Variants in DNAJC13 observed in about 807,000 individuals in gnomAD.
DNAJC13 encodes the protein dnaJ homolog subfamily C member 13.
In DNAJC13, 75 loss-of-function variants were observed where a neutral mutation model predicts 290.5. That is an observed-to-expected ratio of 0.26 (90% CI 0.21 to 0.31). The LOEUF (loss-of-function observed/expected upper bound fraction) is 0.31, where lower values mean the gene tolerates loss of function less well. DNAJC13 is among the 10% of genes least tolerant of loss of function. DNAJC13 has a pLI of 1.00. For synonymous variants in DNAJC13, 862 were observed against 892.0 expected (o/e 0.97, Z 0.60); for missense variants, 2,260 against 2,674.5 (o/e 0.85, Z 3.42).
At chr3:132,513,191 G>A in intron 45 of DNAJC13, 92 bp downstream of exon 45, 1 of 1,079,340 alleles carries the variant, frequency 9.3e-7, no homozygotes, top group Non-Finnish European at 1.4e-6. Context: ...AAGTTGAAGT[G>A]TGCTTTTTTG....
chr3:132,459,716 A>G lies in DNAJC13; in HGVS notation c.1450-534A>G, dbSNP rs114119283. 4.4e-3 allele frequency among the ~76,000 whole-genome samples: 675 copies of G among 152,316 alleles called. 6 individuals carry two copies. The highest frequency in any genetic ancestry group is 0.014 in the African/African-American group (601 of 41,568). The stretch of plus-strand genomic sequence containing the variant: ...TCTAAGCATCATAGTAATGTTACAT[A>G]AATACTATTACTCCTACTTTACAGC... On this transcript the variant is annotated intron_variant, in intron 13 of 55. Transcript: ENST00000260818.
At chr3:132,427,089 G>C (rs1207289260) in intron 1 of DNAJC13, among the ~76,000 whole-genome samples, 2 of 148,630 alleles carry the variant, frequency 1.3e-5, no homozygotes, top group Non-Finnish European at 3.0e-5. Context: ...GTGTGTGTGT[G>C]TGTGTGTGTG....
In DNAJC13 at chr3:132,511,141, C is replaced by A; in HGVS notation, c.5190C>A (p.Ala1730=). The A allele has an allele frequency of 1.2e-6, 2 of 1,613,928 alleles. No homozygotes were observed. The highest frequency in any genetic ancestry group is 1.7e-6 in the Non-Finnish European group (2 of 1,179,932). Residue 1730 remains alanine (A), a synonymous_variant, in exon 44 of 56, where the codon GCC becomes GCA. Transcript: ENST00000260818. Reference sequence around the variant, plus strand: ...CCCAATACTTGCACACATTCATGGCCATCACACACGCGGCAAAAGTGGAGT... The same window carrying A: ...CCCAATACTTGCACACATTCATGGCAATCACACACGCGGCAAAAGTGGAGT... The part of the protein sequence containing the change: ...SQAQYLHTFM[A]ITHAAKVESE...
chr3:132,486,229 T>G (rs1934872327), intron 29 of DNAJC13, among the ~76,000 whole-genome samples: 1 of 151,928 alleles, frequency 6.6e-6, no homozygotes, highest in African/African-American at 2.4e-5. Context: ...CTCTAAACTA[T>G]TACCACATCC....
intron 51 of DNAJC13, 31 bp downstream of exon 51, chr3:132,523,744 A>G: frequency 1.9e-6 from 3 of 1,598,296 alleles, no homozygotes; most frequent in South Asian, 1.1e-5. Context: ...AAACATTTCA[A>G]AGACTTGGCT....
At chr3:132,508,470 T>A (rs1935663960) in intron 43 of DNAJC13, among the ~76,000 whole-genome samples, 1 of 152,220 alleles carries the variant, frequency 6.6e-6, no homozygotes, top group Non-Finnish European at 1.5e-5. Context: ...GGTAGAGGCT[T>A]ATGCAGCTGC....
In DNAJC13 at chr3:132,456,959, T is replaced by C. The variant is rs943200504; in HGVS notation, c.1349+127T>C. 10 of 1,086,942 alleles carry C rather than the reference T, an allele frequency of 9.2e-6. No individual in the cohort carries two copies. The African/African-American group carries it at 1.4e-4, about 16-fold the overall frequency. 67.3% of individuals were successfully genotyped at this position (1,086,942 alleles called of 1,614,324 possible). ...CCTTTTATAGGGTGATATGGTACTTTATTCATGAGAAATGAAAAAGGAAGG... is the reference window on the plus strand; with the variant it reads ...CCTTTTATAGGGTGATATGGTACTTCATTCATGAGAAATGAAAAAGGAAGG... On this transcript the variant is annotated intron_variant, in intron 12 of 55. Coordinates refer to ENST00000260818, the MANE Select transcript of DNAJC13 (RefSeq NM_015268.4).
At chr3:132,496,947 AGTAGCAAC>A (rs1935251717) in intron 36 of DNAJC13, among the ~76,000 whole-genome samples, 2 of 152,204 alleles carry the variant, frequency 1.3e-5, no homozygotes, top group Non-Finnish European at 2.9e-5. Flanking sequence ...TTAGCCATTT[AGTAGCAAC>A]GTGTTAAATG....
intron 1 of DNAJC13, among the ~76,000 whole-genome samples, chr3:132,426,652 AT>A (rs575192345): frequency 1.1e-4 from 17 of 152,054 alleles, no homozygotes; most frequent in Non-Finnish European, 1.5e-4. Flanking sequence ...AATTTTACAG[AT>A]TTTTTTCATC....
intron 43 of DNAJC13, among the ~76,000 whole-genome samples, chr3:132,510,191 A>T (rs1236153287): frequency 6.6e-6 from 1 of 152,176 alleles, no homozygotes; most frequent in Admixed American, 6.5e-5. Flanking sequence ...TTTCATCACA[A>T]GGGATATCAG....
In DNAJC13 at chr3:132,477,749, T is replaced by C. The variant is rs748309010; in HGVS notation, c.2446-40T>C. On this transcript the variant is annotated intron_variant, in intron 22 of 55. Coordinates refer to ENST00000260818, the MANE Select transcript of DNAJC13 (RefSeq NM_015268.4). ...AATTATTAGAAATTGCCAAAATCTA[T>C]TGTAAACTAAAATAGTGTAATTTGC... 2.0e-6 allele frequency: 3 copies of C among 1,488,426 alleles called. No homozygotes were observed. The South Asian group carries it at 3.7e-5, about 18-fold the overall frequency. 92.2% of individuals were successfully genotyped at this position (1,488,426 alleles called of 1,614,324 possible). A position where few individuals can be genotyped will look rare whatever the true frequency, so the allele number is the denominator to read the frequency against.
chr3:132,516,947 A>T, intron 48 of DNAJC13, 131 bp downstream of exon 48: 1 of 797,880 alleles, frequency 1.3e-6, no homozygotes, highest in Non-Finnish European at 2.0e-6. Flanking sequence ...AAGTTGGAAA[A>T]TTCACATTCC....
chr3:132,456,956 CTTTA>C lies in DNAJC13; in HGVS notation c.1349+127_1349+130del, dbSNP rs1368372953. On this transcript the variant is annotated intron_variant, in intron 12 of 55. Coordinates refer to ENST00000260818, the MANE Select transcript of DNAJC13 (RefSeq NM_015268.4). Reference sequence around the variant, plus strand: ...ATACCTTTTATAGGGTGATATGGTACTTTATTCATGAGAAATGAAAAAGGAAGGT... The same window carrying C: ...ATACCTTTTATAGGGTGATATGGTACTTCATGAGAAATGAAAAAGGAAGGT... 6 of 1,094,152 alleles carry C rather than the reference CTTTA, an allele frequency of 5.5e-6. 1 individual carries two copies. Among genetic ancestry groups the C allele is most frequent in the Non-Finnish European group, 5.2e-6 (4 of 775,318 alleles). 67.8% of individuals were successfully genotyped at this position (1,094,152 alleles called of 1,614,324 possible).
intron 20 of DNAJC13, among the ~76,000 whole-genome samples, chr3:132,469,345 A>G (rs144128968): frequency 1.8e-4 from 27 of 152,352 alleles, no homozygotes; most frequent in Non-Finnish European, 3.2e-4. Context: ...TATATAGTCA[A>G]TGTTTATGAA....
chr3:132,457,174 T>C, intron 12 of DNAJC13, 95 bp from the exon 13 acceptor site: 1 of 829,772 alleles, frequency 1.2e-6, no homozygotes. Flanking sequence ...ATTGTTCCAG[T>C]AGTGCAATGG....
intron 52 of DNAJC13, 135 bp from the exon 53 acceptor site, chr3:132,526,006 T>C: frequency 7.7e-7 from 1 of 1,292,326 alleles, no homozygotes; most frequent in Middle Eastern, 2.3e-4. Flanking sequence ...ATTAATAGAT[T>C]AAATTTGGTT....
At position 132,483,467 on chromosome 3, in the gene DNAJC13, C is replaced by G. The variant is rs772866766; in HGVS notation, c.3072C>G (p.Pro1024=). The G allele has an allele frequency of 9.3e-6, 15 of 1,614,064 alleles. No homozygotes were observed. Among genetic ancestry groups the G allele is most frequent in the Non-Finnish European group, 1.3e-5 (15 of 1,179,980 alleles). The change falls in exon 28 of 56, where the codon CCC becomes CCG. Residue 1024 remains proline (P), a synonymous_variant. Coordinates refer to ENST00000260818, the MANE Select transcript of DNAJC13 (RefSeq NM_015268.4). ...MDGWRPLQSI[P]QLKWCLLASG... is the part of the protein sequence containing the mutation. ...GATGGCGACCACTTCAGTCCATACCCCAGCTTAAGTGGTGTCTCTTAGCCA... is the reference window on the plus strand; with the variant it reads ...GATGGCGACCACTTCAGTCCATACCGCAGCTTAAGTGGTGTCTCTTAGCCA...
chr3:132,504,067 T>C lies in DNAJC13; in HGVS notation c.4884+686T>C, dbSNP rs544856220. On this transcript the variant is annotated intron_variant, in intron 41 of 55. Coordinates refer to ENST00000260818, the MANE Select transcript of DNAJC13 (RefSeq NM_015268.4). ...ATAACAAAATAAATGGATTGATAGATTTGTACCCATATGTTAACTGTAATT... is the reference window on the plus strand; with the variant it reads ...ATAACAAAATAAATGGATTGATAGACTTGTACCCATATGTTAACTGTAATT... Among the ~76,000 whole-genome samples, 8 of 152,250 alleles carry C rather than the reference T, an allele frequency of 5.3e-5. No individual in the cohort carries two copies. The South Asian group carries it at 1.7e-3, about 32-fold the overall frequency.
intron 43 of DNAJC13, among the ~76,000 whole-genome samples, chr3:132,510,000 G>A (rs1350025127): frequency 1.3e-5 from 2 of 152,160 alleles, no homozygotes; most frequent in African/African-American, 4.8e-5. Flanking sequence ...ACCACTGACA[G>A]CTTGTGAGCC....
Sources: gnomAD v4.1 joint callset for allele counts (sites outside exome capture counted in the v4.1 genomes callset) on GRCh38, gnomAD v4.1.1 for gene constraint, MANE v1.5 for transcripts, NCBI Gene and HGNC (gene_info 2026-07-23, HGNC 2026-07-21) for gene names.